The following CDH18 variants were observed in gnomAD, a reference collection of about 807,000 sequenced individuals.
The protein encoded by CDH18 is cadherin-18.
Under a neutral mutation model 67.9 loss-of-function variants are expected in CDH18, and 31 were observed. That is an observed-to-expected ratio of 0.46 (90% CI 0.34 to 0.62). The LOEUF (loss-of-function observed/expected upper bound fraction) is 0.62, where lower values mean the gene tolerates loss of function less well. Among genes scored for constraint, CDH18 ranks in the 20% least tolerant of loss-of-function variants. The pLI is 0.01. For synonymous variants in CDH18, 362 were observed against 347.2 expected (o/e 1.04, Z -0.48); for missense variants, 890 against 975.5 (o/e 0.91, Z 1.17).
At chr5:19,663,803 C>T (rs975973500) in intron 5 of CDH18, among the ~76,000 whole-genome samples, 3 of 151,436 alleles carry the variant, frequency 2.0e-5, no homozygotes, top group Non-Finnish European at 4.4e-5. Context: ...AAATGATATC[C>T]GGTGTTATAT....
chr5:19,726,514 C>T (rs973449556), intron 4 of CDH18, among the ~76,000 whole-genome samples: 1 of 152,066 alleles, frequency 6.6e-6, no homozygotes, highest in African/African-American at 2.4e-5. Flanking sequence ...AATAGCAGAG[C>T]CCAACTAAAT....
At chr5:20,437,036 A>C (rs1373517628) in intron 1 of CDH18, among the ~76,000 whole-genome samples, 1 of 149,290 alleles carries the variant, frequency 6.7e-6, no homozygotes, top group Admixed American at 6.6e-5. Context: ...TATTTCCAGA[A>C]GATACAGAAT....
chr5:20,175,329 C>T (rs140620392), intron 2 of CDH18, among the ~76,000 whole-genome samples: 52 of 152,174 alleles, frequency 3.4e-4, no homozygotes, highest in African/African-American at 1.2e-3. Context: ...CCCAGTGAAC[C>T]CAGCCACCTC....
intron 9 of CDH18, among the ~76,000 whole-genome samples, chr5:19,539,086 T>C (rs996413660): frequency 1.3e-5 from 2 of 152,184 alleles, no homozygotes; most frequent in African/African-American, 4.8e-5. Flanking sequence ...ACGGAATCGG[T>C]GCATGCATTT....
intron 5 of CDH18, among the ~76,000 whole-genome samples, chr5:19,677,569 C>T (rs144100047): frequency 1.1e-3 from 170 of 151,960 alleles, no homozygotes; most frequent in East Asian, 2.7e-3. Flanking sequence ...CCAATATTAA[C>T]GTTGAAGATA....
intron 1 of CDH18, among the ~76,000 whole-genome samples, chr5:20,445,816 G>A (rs1470067994): frequency 2.0e-5 from 3 of 152,164 alleles, no homozygotes; most frequent in Non-Finnish European, 4.4e-5. Flanking sequence ...GGTAAGCAAA[G>A]TATTGCAGAC....
At chr5:20,546,465 G>A (rs995232817) in intron 1 of CDH18, among the ~76,000 whole-genome samples, 1 of 152,118 alleles carries the variant, frequency 6.6e-6, no homozygotes, top group Non-Finnish European at 1.5e-5. Flanking sequence ...TCAAAGTTTT[G>A]CATGGATGGG....
chr5:20,543,713 T>C (rs895688098), intron 1 of CDH18, among the ~76,000 whole-genome samples: 1 of 152,154 alleles, frequency 6.6e-6, no homozygotes, highest in Admixed American at 6.5e-5. Context: ...ATAAAATACC[T>C]TCCACAAACT....
chr5:19,954,961 T>G (rs1330107484), intron 2 of CDH18, among the ~76,000 whole-genome samples: 1 of 152,034 alleles, frequency 6.6e-6, no homozygotes, highest in Non-Finnish European at 1.5e-5. Flanking sequence ...AATCTCACCA[T>G]GAATTGTAAT....
chr5:19,866,514 AT>A (rs1003521084), intron 2 of CDH18, among the ~76,000 whole-genome samples: 2 of 152,186 alleles, frequency 1.3e-5, no homozygotes, highest in African/African-American at 4.8e-5. Flanking sequence ...CAAAGACAAG[AT>A]GAAGAAAGCA....
chr5:19,516,977 A>G (rs1035355212), intron 10 of CDH18, among the ~76,000 whole-genome samples: 4 of 152,096 alleles, frequency 2.6e-5, no homozygotes, highest in African/African-American at 9.7e-5. Context: ...ATAAAATTTC[A>G]TATCTCTGTG....
chr5:20,173,998 T>A (rs1281106101), intron 2 of CDH18, among the ~76,000 whole-genome samples: 3 of 152,108 alleles, frequency 2.0e-5, no homozygotes, highest in South Asian at 4.1e-4. Flanking sequence ...TTTACCACTT[T>A]AGGAATGAAA....
chr5:20,218,654 G>A (rs534492446), intron 2 of CDH18, among the ~76,000 whole-genome samples: 9 of 151,946 alleles, frequency 5.9e-5, no homozygotes, highest in Admixed American at 2.0e-4. Context: ...TATTGTTCTC[G>A]TAGTAGAAAA....
intron 1 of CDH18, among the ~76,000 whole-genome samples, chr5:20,318,948 T>C (rs1023698043): frequency 6.6e-6 from 1 of 152,080 alleles, no homozygotes; most frequent in Non-Finnish European, 1.5e-5. Context: ...TCCTACAAGG[T>C]TCCCTCTCCA....
At chr5:19,969,831 A>G (rs938238728) in intron 2 of CDH18, among the ~76,000 whole-genome samples, 2 of 152,102 alleles carry the variant, frequency 1.3e-5, no homozygotes, top group Non-Finnish European at 2.9e-5. Flanking sequence ...GTACCCTAAA[A>G]CTTAAAGTAT....
At chr5:19,518,132 T>C (rs1053224117) in intron 10 of CDH18, among the ~76,000 whole-genome samples, 5 of 152,020 alleles carry the variant, frequency 3.3e-5, no homozygotes, top group Admixed American at 6.6e-5. Flanking sequence ...TTTACTGGTT[T>C]TGAAATCAGT....
At position 20,321,191 on chromosome 5, in the gene CDH18, A is replaced by C. The variant is rs371159582; in HGVS notation, c.-579-65686T>G. On this transcript the variant is annotated intron_variant, in intron 1 of 14. Transcript: ENST00000507958. ...CATGTTAAAACAAGATTTTCTCTAG[A>C]GCCTTCTCCAACCAAGGAGAAGAAG... Among the ~76,000 whole-genome samples the C allele has an allele frequency of 2.6e-5, 4 of 152,202 alleles. No individual in the cohort carries two copies. In the East Asian group the frequency reaches 5.8e-4, roughly 22 times the overall value.
At chr5:19,508,127 G>A (rs1370008889) in intron 10 of CDH18, among the ~76,000 whole-genome samples, 1 of 150,794 alleles carries the variant, frequency 6.6e-6, no homozygotes, top group East Asian at 1.9e-4. Flanking sequence ...TATTTGCTTG[G>A]TCTCTGCTCT....
In CDH18 at chr5:19,543,894, G is replaced by A. The variant is rs1735843445; in HGVS notation, c.1365C>T (p.Asn455=). 2 of 1,588,612 alleles carry A rather than the reference G, an allele frequency of 1.3e-6. No individual in the cohort carries two copies. Among genetic ancestry groups the A allele is most frequent in the East Asian group, 2.2e-5 (1 of 44,676 alleles). ...CAATTTCTGAAGCAGTGACTGTGAT[G>A]TTGTACCATGGAGTTTCTTCTCTGT... The part of the protein sequence containing the change: ...VLDREETPWY[N]ITVTASEIDN... Residue 455 remains asparagine, a synonymous_variant, in exon 9 of 13, where the codon AAC becomes AAT. Transcript: ENST00000382275.
Sources: allele counts gnomAD v4.1 joint callset (sites outside exome capture counted in the v4.1 genomes callset), GRCh38; gene constraint gnomAD v4.1.1; transcripts MANE v1.5; gene names NCBI Gene and HGNC (gene_info 2026-07-23, HGNC 2026-07-21).